RGL1: variants seen among roughly 807,000 people sequenced by gnomAD.
RGL1 encodes ral guanine nucleotide dissociation stimulator like 1, also known as ral guanine nucleotide dissociation stimulator-like 1.
A neutral mutation model predicts 95.2 loss-of-function variants in RGL1; 24 were observed. That is an observed-to-expected ratio of 0.25 (90% CI 0.18 to 0.35). The LOEUF (loss-of-function observed/expected upper bound fraction) is 0.35. RGL1 is among the 10% of genes least tolerant of loss of function. The pLI, the probability that RGL1 is intolerant of heterozygous loss-of-function variation, is 1.00. For synonymous variants in RGL1, 329 were observed against 344.9 expected (o/e 0.95, Z 0.51); for missense variants, 715 against 936.3 (o/e 0.76, Z 3.08).
intron 1 of RGL1, chr1:183,647,973 T>C (rs1324220404): frequency 2.5e-6 from 4 of 1,614,220 alleles, no homozygotes; most frequent in Non-Finnish European, 8.5e-7. Flanking sequence ...TTGAAAAAAC[T>C]GTCCAGGAAA....
intron 1 of RGL1, among the ~76,000 whole-genome samples, chr1:183,678,722 G>A (rs745452366): frequency 6.6e-6 from 1 of 151,866 alleles, no homozygotes; most frequent in East Asian, 1.9e-4. Context: ...TTTTAAAAAA[G>A]TTGTGATGTT....
chr1:183,648,503 A>G, intron 1 of RGL1: 1 of 1,614,212 alleles, frequency 6.2e-7, no homozygotes, highest in Non-Finnish European at 8.5e-7. Flanking sequence ...TTGATTCTGG[A>G]TGGATATAAT....
intron 2 of RGL1, among the ~76,000 whole-genome samples, chr1:183,833,744 C>T (rs952895090): frequency 1.3e-5 from 2 of 152,094 alleles, no homozygotes; most frequent in African/African-American, 4.8e-5. Context: ...CTGATTTGAC[C>T]TTACAAATGA....
intron 12 of RGL1, among the ~76,000 whole-genome samples, chr1:183,903,810 A>G (rs1668165553): frequency 6.6e-6 from 1 of 152,260 alleles, no homozygotes; most frequent in Admixed American, 6.5e-5. Context: ...GAGCTAAACA[A>G]AGCTGGGCTT....
intron 9 of RGL1, among the ~76,000 whole-genome samples, chr1:183,896,299 C>G (rs1486776980): frequency 6.6e-6 from 1 of 152,204 alleles, no homozygotes; most frequent in Non-Finnish European, 1.5e-5. Flanking sequence ...GACCCTCCTG[C>G]CTCAGCCTTC....
At chr1:183,705,875 A>G (rs1374721356) in intron 1 of RGL1, among the ~76,000 whole-genome samples, 1 of 152,104 alleles carries the variant, frequency 6.6e-6, no homozygotes, top group East Asian at 1.9e-4. Context: ...GTGAGAAATG[A>G]TAGGCTTTAG....
chr1:183,713,376 ACCC>A (rs67341503), intron 1 of RGL1, among the ~76,000 whole-genome samples: 2 of 48,194 alleles, frequency 4.1e-5, no homozygotes, highest in Non-Finnish European at 3.5e-5. Flanking sequence ...ATCTAGAGGC[ACCC>A]CCCCCCCCCG....
chr1:183,700,328 T>C (rs1036077997), intron 1 of RGL1, among the ~76,000 whole-genome samples: 1 of 152,156 alleles, frequency 6.6e-6, no homozygotes, highest in Non-Finnish European at 1.5e-5. Context: ...TTCAACTTTG[T>C]AGTATTATTC....
At chr1:183,657,303 A>G (rs1471135654) in intron 1 of RGL1, among the ~76,000 whole-genome samples, 1 of 152,080 alleles carries the variant, frequency 6.6e-6, no homozygotes, top group Non-Finnish European at 1.5e-5. Flanking sequence ...AAATTTTATT[A>G]TTATACTTTA....
chr1:183,805,759 A>G (rs180762572), intron 1 of RGL1, among the ~76,000 whole-genome samples: 2 of 152,278 alleles, frequency 1.3e-5, no homozygotes, highest in Admixed American at 6.5e-5. Context: ...TTACGGAAAT[A>G]AAAACTTTCC....
chr1:183,860,870 T>A (rs945846733), intron 3 of RGL1, among the ~76,000 whole-genome samples: 2 of 152,174 alleles, frequency 1.3e-5, no homozygotes, highest in African/African-American at 4.8e-5. Context: ...TAGTAAATAA[T>A]CCTCATTGAA....
At chr1:183,901,730 C>G (rs1335348955) in intron 11 of RGL1, among the ~76,000 whole-genome samples, 1 of 151,980 alleles carries the variant, frequency 6.6e-6, no homozygotes, top group Non-Finnish European at 1.5e-5. Flanking sequence ...CCTTCATCCC[C>G]CATCTTCTCT....
chr1:183,638,594 C>T (rs1467606773), intron 1 of RGL1, among the ~76,000 whole-genome samples: 1 of 152,112 alleles, frequency 6.6e-6, no homozygotes, highest in Admixed American at 6.6e-5. Flanking sequence ...TTAGAAAACT[C>T]ATTATTTCAC....
At chr1:183,653,975 C>A (rs1650959656) in intron 1 of RGL1, among the ~76,000 whole-genome samples, 1 of 152,182 alleles carries the variant, frequency 6.6e-6, no homozygotes, top group Non-Finnish European at 1.5e-5. Flanking sequence ...ATTCCCCTTT[C>A]CCAGGCCACC....
intron 3 of RGL1, among the ~76,000 whole-genome samples, chr1:183,862,050 G>T (rs12116846): frequency 6.6e-6 from 1 of 152,074 alleles, no homozygotes; most frequent in Non-Finnish European, 1.5e-5. Flanking sequence ...GATAAGAAAG[G>T]TGCAGGGATG....
At chr1:183,742,126 A>G in exon 2 of RGL1, 1 of 1,613,010 alleles carries the variant, frequency 6.2e-7, no homozygotes, top group Non-Finnish European at 8.5e-7. Context: ...TTCCACACAG[A>G]TCCGTAATGC....
Position 183,884,771 on chromosome 1 carries a change from T to C in RGL1, c.784T>C (p.Ser262Pro). 6.2e-7 allele frequency: 1 copy of C among 1,614,088 alleles called. No individual in the cohort carries two copies. The highest frequency in any genetic ancestry group is 1.3e-5 in the African/African-American group (1 of 75,024). ...VPHHCLGCIW[S>P]RRDKKENKHL... ...TCACCACTGCCTGGGCTGCATTTGGTCTCGAAGGGATAAGAAGGAAAACAA... is the reference window on the plus strand; with the variant it reads ...TCACCACTGCCTGGGCTGCATTTGGCCTCGAAGGGATAAGAAGGAAAACAA... Residue 262 changes from serine (S) to proline (P), a missense_variant, in exon 7 of 18, where the codon TCT becomes CCT. Ser to Pro is a moderately conservative substitution (Grantham distance 74). Coordinates refer to ENST00000360851, the MANE Select transcript of RGL1 (RefSeq NM_001297671.3).
intron 2 of RGL1, among the ~76,000 whole-genome samples, chr1:183,787,837 G>A (rs1051976201): frequency 1.3e-5 from 2 of 151,252 alleles, no homozygotes; most frequent in African/African-American, 4.9e-5. Context: ...AAAAAAAAAA[G>A]AGCCTGGCAC....
At chr1:183,817,376 G>C (rs1662158550) in intron 2 of RGL1, among the ~76,000 whole-genome samples, 1 of 152,152 alleles carries the variant, frequency 6.6e-6, no homozygotes, top group Admixed American at 6.5e-5. Context: ...TTTTCTCACT[G>C]TCTTTCCATT....
Sources: gnomAD v4.1 joint callset for allele counts (sites outside exome capture counted in the v4.1 genomes callset) on GRCh38, gnomAD v4.1.1 for gene constraint, MANE v1.5 for transcripts, NCBI Gene and HGNC (gene_info 2026-07-23, HGNC 2026-07-21) for gene names.